The following ZNF469 variants were observed in gnomAD, a reference collection of about 807,000 sequenced individuals.
ZNF469 encodes the protein zinc finger protein 469.
Under a neutral mutation model 1.0 loss-of-function variants are expected in ZNF469, and 1 was observed. The observed-to-expected ratio is 1.00, with a 90% CI of 0.35 to 4.73. ZNF469 has a LOEUF of 4.73. Among genes scored for constraint, ZNF469 ranks in the 30% most tolerant of loss-of-function variants. ZNF469 has a pLI of 0.16. For missense variants in ZNF469, 6,100 were observed against 5,356.3 expected (o/e 1.14, Z -4.33); for synonymous variants, 2,703 against 2,363.4 (o/e 1.14, Z -4.17).
At chr16:88,369,803 G>A in the ZNF469 span, among the ~76,000 whole-genome samples, 2 of 152,178 alleles carry the variant, frequency 1.3e-5, no homozygotes, top group Non-Finnish European at 2.9e-5. Flanking sequence ...ATGCCACAGA[G>A]GCCACCCCCG....
chr16:88,128,768 C>T, the ZNF469 span, among the ~76,000 whole-genome samples: 1 of 152,250 alleles, frequency 6.6e-6, no homozygotes, highest in Admixed American at 6.5e-5. Flanking sequence ...CCCTCCAGGC[C>T]TCTGCTAAGC....
the ZNF469 span, among the ~76,000 whole-genome samples, chr16:88,268,315 A>G: frequency 0.29 from 44,215 of 151,550 alleles, 7,081 homozygotes; most frequent in East Asian, 0.62. Flanking sequence ...TGGTCTGTAC[A>G]TCAACAACAT....
intron 1 of ZNF469, among the ~76,000 whole-genome samples, chr16:88,422,324 GAT>G (rs2142291215): frequency 1.3e-5 from 2 of 149,058 alleles, no homozygotes; most frequent in East Asian, 2.0e-4. Flanking sequence ...ATGGGTGAGT[GAT>G]GGATGGATGG....
the ZNF469 span, among the ~76,000 whole-genome samples, chr16:88,183,499 C>G: frequency 6.6e-6 from 1 of 152,314 alleles, no homozygotes; most frequent in Middle Eastern, 3.4e-3. Flanking sequence ...CCCGCGAAGC[C>G]TGCTGCGAAG....
At chr16:88,377,586 G>C in the ZNF469 span, among the ~76,000 whole-genome samples, 1 of 152,158 alleles carries the variant, frequency 6.6e-6, no homozygotes, top group Admixed American at 6.5e-5. Context: ...TCCTTGGACC[G>C]GGCTCAGCCG....
At chr16:88,218,773 T>C in the ZNF469 span, among the ~76,000 whole-genome samples, 1 of 151,986 alleles carries the variant, frequency 6.6e-6, no homozygotes, top group South Asian at 2.1e-4. Flanking sequence ...GCCAGGGCAA[T>C]TAGGCAGGAG....
chr16:88,261,405 C>T, the ZNF469 span, among the ~76,000 whole-genome samples: 1 of 152,196 alleles, frequency 6.6e-6, no homozygotes, highest in African/African-American at 2.4e-5. The surrounding 1 kb of genome is among the most constrained non-coding windows in gnomAD (Gnocchi z 6.0). Flanking sequence ...ACATGTGCCG[C>T]AGCCCTGGAA....
the ZNF469 span, among the ~76,000 whole-genome samples, chr16:88,133,299 C>T: frequency 2.6e-5 from 4 of 152,232 alleles, no homozygotes; most frequent in South Asian, 2.1e-4. Context: ...TTACTGCTGG[C>T]GATCCCGCAC....
the ZNF469 span, among the ~76,000 whole-genome samples, chr16:88,360,879 G>A: frequency 0.016 from 2,436 of 152,224 alleles, 64 homozygotes; most frequent in East Asian, 0.074. Context: ...TTAGCCTCAG[G>A]GACCGGTTTC....
At chr16:88,277,009 T>C in the ZNF469 span, among the ~76,000 whole-genome samples, 1 of 151,616 alleles carries the variant, frequency 6.6e-6, no homozygotes, top group Admixed American at 6.6e-5. Flanking sequence ...TCATTAGTGC[T>C]GTGCCACGCT....
At chr16:88,242,767 C>A in the ZNF469 span, among the ~76,000 whole-genome samples, 21 of 152,374 alleles carry the variant, frequency 1.4e-4, no homozygotes, top group African/African-American at 5.0e-4. Context: ...GCATCTCCGG[C>A]ACATGGGGCT....
At chr16:88,215,383 A>ACTTTTTTTTTTTT in the ZNF469 span, among the ~76,000 whole-genome samples, 7 of 94,188 alleles carry the variant, frequency 7.4e-5, no homozygotes, top group Admixed American at 1.6e-4. Context: ...TTGCCTTTTA[A>ACTTTTTTTTTTTT]TTTTTTTTTT....
chr16:88,208,850 A>G, the ZNF469 span, among the ~76,000 whole-genome samples: 3 of 147,900 alleles, frequency 2.0e-5, no homozygotes, highest in African/African-American at 5.0e-5. Context: ...TACATGAGCC[A>G]CGAGCTCCCA....
chr16:88,326,297 T>C, the ZNF469 span, among the ~76,000 whole-genome samples: 22,493 of 152,226 alleles, frequency 0.15, 1,703 homozygotes, highest in South Asian at 0.19. Flanking sequence ...AACTCATTCT[T>C]TTTGCCTGCT....
At chr16:88,297,800 C>G in the ZNF469 span, among the ~76,000 whole-genome samples, 15 of 152,318 alleles carry the variant, frequency 9.8e-5, no homozygotes, top group African/African-American at 3.1e-4. Context: ...GTCCTGTGGC[C>G]CCTTCTCCAA....
the ZNF469 span, among the ~76,000 whole-genome samples, chr16:88,146,991 A>C: frequency 6.6e-6 from 1 of 152,072 alleles, no homozygotes; most frequent in Non-Finnish European, 1.5e-5. Flanking sequence ...GGTCTGCTGA[A>C]TAACAGCCCC....
the ZNF469 span, among the ~76,000 whole-genome samples, chr16:88,341,798 C>G: frequency 7.9e-5 from 12 of 151,928 alleles, no homozygotes; most frequent in Admixed American, 4.6e-4. Context: ...GGCTGCCATG[C>G]CCAGTGGGGG....
chr16:88,140,376 G>T, the ZNF469 span, among the ~76,000 whole-genome samples: 14 of 149,504 alleles, frequency 9.4e-5, no homozygotes, highest in African/African-American at 3.0e-4. Context: ...AAATCGGGGG[G>T]TAGCACGGAG....
chr16:88,116,309 G>A, the ZNF469 span, among the ~76,000 whole-genome samples: 3,037 of 152,268 alleles, frequency 0.02, 40 homozygotes, highest in African/African-American at 0.033. Context: ...GCACAGAACC[G>A]GTGATGTTGC....
Sources: gnomAD v4.1 joint callset for allele counts (sites outside exome capture counted in the v4.1 genomes callset) on GRCh38, gnomAD v4.1.1 for gene constraint, Gnocchi (gnomAD v3.1) non-coding constraint, MANE v1.5 for transcripts, NCBI Gene and HGNC (gene_info 2026-07-23, HGNC 2026-07-21) for gene names.